The following PIP5K1B variants were observed in gnomAD, a reference collection of about 807,000 sequenced individuals.
The protein encoded by PIP5K1B is phosphatidylinositol-4-phosphate 5-kinase type 1 beta.
PIP5K1B carries 42 observed loss-of-function variants against 67.0 expected under a neutral mutation model. The observed-to-expected ratio is 0.63, with a 90% CI of 0.49 to 0.81. The LOEUF (loss-of-function observed/expected upper bound fraction) is 0.81. Among genes scored for constraint, PIP5K1B ranks in the 30% least tolerant of loss-of-function variants. The pLI is 0.00. For synonymous variants in PIP5K1B, 214 were observed against 231.4 expected (o/e 0.92, Z 0.68); for missense variants, 459 against 646.3 (o/e 0.71, Z 3.14).
intron 14 of PIP5K1B, among the ~76,000 whole-genome samples, chr9:68,964,821 A>G (rs1157915394): frequency 1.3e-5 from 2 of 152,230 alleles, no homozygotes; most frequent in African/African-American, 2.4e-5. Flanking sequence ...AAACGCTGCA[A>G]TTCTGGAATT....
At position 68,801,257 on chromosome 9, in the gene PIP5K1B, G is replaced by A. The variant is rs143490585; in HGVS notation, c.-85-17204G>A. 6.9e-3 allele frequency among the ~76,000 whole-genome samples: 1,056 copies of A among 152,218 alleles called. 8 individuals carry two copies. Among genetic ancestry groups the A allele is most frequent in the South Asian group, 0.042 (202 of 4,814 alleles). On this transcript the variant is annotated intron_variant, in intron 2 of 15. Coordinates refer to ENST00000265382, the MANE Select transcript of PIP5K1B (RefSeq NM_003558.4). ...CTATCCAAGGGAAAATAACAAGCCC[G>A]GGCATGAGAGAACTTAGAATTCCAG...
At chr9:68,987,546 A>T (rs1830146860) in intron 14 of PIP5K1B, among the ~76,000 whole-genome samples, 1 of 152,236 alleles carries the variant, frequency 6.6e-6, no homozygotes, top group African/African-American at 2.4e-5. Context: ...TGGGCAACAG[A>T]GCGAGACTCC....
intron 1 of PIP5K1B, among the ~76,000 whole-genome samples, chr9:68,721,705 A>C (rs1049270182): frequency 3.9e-4 from 60 of 152,338 alleles, no homozygotes; most frequent in African/African-American, 1.4e-3. Flanking sequence ...GATACAGGAC[A>C]TGAAGGTGGA....
intron 4 of PIP5K1B, among the ~76,000 whole-genome samples, chr9:68,857,501 T>G (rs1822837849): frequency 6.6e-6 from 1 of 152,210 alleles, no homozygotes; most frequent in African/African-American, 2.4e-5. Flanking sequence ...ATAAGTGGAC[T>G]ATGACTTGTT....
At chr9:68,992,075 C>G (rs1830400199) in intron 15 of PIP5K1B, among the ~76,000 whole-genome samples, 1 of 152,142 alleles carries the variant, frequency 6.6e-6, no homozygotes, top group Admixed American at 6.5e-5. Context: ...AAGCAATTCT[C>G]CTGCCTCAGC....
chr9:68,779,818 CTCTT>C (rs1218230238), intron 2 of PIP5K1B, among the ~76,000 whole-genome samples: 2 of 152,250 alleles, frequency 1.3e-5, no homozygotes, highest in African/African-American at 2.4e-5. Context: ...CCATGGGCCT[CTCTT>C]TCAGGGCTTT....
At chr9:68,866,717 C>T (rs376609851) in intron 5 of PIP5K1B, among the ~76,000 whole-genome samples, 5 of 152,018 alleles carry the variant, frequency 3.3e-5, no homozygotes, top group Admixed American at 2.0e-4. Context: ...CTTTTAGTGA[C>T]GATTTGTAGG....
intron 1 of PIP5K1B, among the ~76,000 whole-genome samples, chr9:68,717,297 G>A (rs566512006): frequency 3.3e-5 from 5 of 152,232 alleles, no homozygotes; most frequent in East Asian, 1.9e-4. Flanking sequence ...GAGACTGGAC[G>A]GTAGCATCCT....
At chr9:68,845,844 C>G (rs1052561707) in intron 4 of PIP5K1B, among the ~76,000 whole-genome samples, 1 of 152,154 alleles carries the variant, frequency 6.6e-6, no homozygotes, top group African/African-American at 2.4e-5. Flanking sequence ...AAATTATCCC[C>G]CACCTTCAGT....
intron 2 of PIP5K1B, chr9:68,789,787 G>A (rs182916608): frequency 1.6e-5 from 3 of 190,722 alleles, no homozygotes; most frequent in East Asian, 1.7e-4. Context: ...TCTACTGCAC[G>A]AGCCTGAAGT....
At chr9:68,849,094 A>T (rs1259651348) in intron 4 of PIP5K1B, among the ~76,000 whole-genome samples, 1 of 152,230 alleles carries the variant, frequency 6.6e-6, no homozygotes, top group Non-Finnish European at 1.5e-5. Flanking sequence ...GCATTTTTTT[A>T]ACTCATCAGT....
At chr9:68,933,918 A>C (rs77760083) in intron 12 of PIP5K1B, among the ~76,000 whole-genome samples, 71 of 152,278 alleles carry the variant, frequency 4.7e-4, no homozygotes, top group Non-Finnish European at 7.9e-4. Flanking sequence ...TGTGTAATCT[A>C]AGCTCTGAGA....
chr9:68,739,647 C>G (rs1434334375), intron 1 of PIP5K1B, among the ~76,000 whole-genome samples: 1 of 152,218 alleles, frequency 6.6e-6, no homozygotes, highest in East Asian at 1.9e-4. Flanking sequence ...CACTTCTCAG[C>G]CTGCTGTTTC....
chr9:68,978,791 C>T (rs902908045), intron 14 of PIP5K1B, among the ~76,000 whole-genome samples: 3 of 152,088 alleles, frequency 2.0e-5, no homozygotes, highest in African/African-American at 7.2e-5. Flanking sequence ...CCCAAGTTAC[C>T]ATCACCCAGA....
intron 4 of PIP5K1B, among the ~76,000 whole-genome samples, chr9:68,863,143 C>T (rs187024504): frequency 2.2e-4 from 34 of 152,200 alleles, no homozygotes; most frequent in African/African-American, 7.9e-4. Context: ...GCATCCCTGG[C>T]CTCTACCCAC....
intron 1 of PIP5K1B, among the ~76,000 whole-genome samples, chr9:68,733,317 G>T (rs1828545780): frequency 6.6e-6 from 1 of 152,188 alleles, no homozygotes. Flanking sequence ...AGCCAGGCTG[G>T]CATTGGGCTC....
chr9:68,824,317 C>T (rs1267395816), intron 4 of PIP5K1B: 1 of 512,396 alleles, frequency 2.0e-6, no homozygotes, highest in Non-Finnish European at 3.9e-6. Context: ...AAAAATGTGA[C>T]CATGACATCT....
Position 68,923,262 on chromosome 9 carries a change from TAA to T in PIP5K1B, c.1117-39_1117-38del, listed in dbSNP as rs749319513. ...CTCTCTTCTGACTTGAGATGAACAT[TAA>T]GAGGTGACCCTGTGATCCTGGGTTT... On this transcript the variant is annotated intron_variant, in intron 11 of 15. Coordinates refer to ENST00000265382, the MANE Select transcript of PIP5K1B (RefSeq NM_003558.4). 3 of 1,082,176 alleles carry T rather than the reference TAA, an allele frequency of 2.8e-6. No individual in the cohort carries two copies. The South Asian group carries it at 4.0e-5, about 14-fold the overall frequency. The allele number at this position is 1,082,176 out of a possible 1,614,324, so 67.0% of individuals were successfully genotyped here.
chr9:68,962,793 AAGAG>A (rs1447562297), intron 14 of PIP5K1B, among the ~76,000 whole-genome samples: 1 of 152,242 alleles, frequency 6.6e-6, no homozygotes, highest in African/African-American at 2.4e-5. Flanking sequence ...TCAGGTAAAT[AAGAG>A]AGAGAACCAT....
Sources: allele counts gnomAD v4.1 joint callset (sites outside exome capture counted in the v4.1 genomes callset), GRCh38; gene constraint gnomAD v4.1.1; transcripts MANE v1.5; gene names NCBI Gene and HGNC (gene_info 2026-07-23, HGNC 2026-07-21).